KMT5A: variants seen among roughly 807,000 people sequenced by gnomAD.
KMT5A encodes the protein N-lysine methyltransferase KMT5A.
Under a neutral mutation model 40.6 loss-of-function variants are expected in KMT5A, and 6 were observed. The observed-to-expected ratio is 0.15, with a 90% CI of 0.08 to 0.29. KMT5A has a LOEUF of 0.29. KMT5A is among the 10% of genes least tolerant of loss of function. KMT5A has a pLI of 1.00. For missense variants in KMT5A, 308 were observed against 459.1 expected, an observed-to-expected ratio of 0.67 and a Z score of 3.01; for synonymous variants, 153 against 178.8, an observed-to-expected ratio of 0.86 and a Z score of 1.15.
intron 3 of KMT5A, 102 bp downstream of exon 3, chr12:123,390,888 T>C: frequency 7.3e-7 from 1 of 1,377,248 alleles, no homozygotes; most frequent in Non-Finnish European, 1.0e-6. Flanking sequence ...ACCTTTTCAG[T>C]CTCAGATTCG....
intron 5 of KMT5A, among the ~76,000 whole-genome samples, chr12:123,397,433 C>T (rs889051054): frequency 2.0e-5 from 3 of 152,184 alleles, no homozygotes; most frequent in East Asian, 1.9e-4. Context: ...AGCCCTCATG[C>T]GGACTCCTTC....
chr12:123,389,363 C>T, intron 1 of KMT5A, 70 bp from the exon 2 acceptor site: 13 of 967,776 alleles, frequency 1.3e-5, no homozygotes, highest in Non-Finnish European at 1.6e-5. Flanking sequence ...CCGGCCCGGG[C>T]GGCCCCGCTC....
chr12:123,396,977 A>G (rs1566078062), intron 5 of KMT5A, among the ~76,000 whole-genome samples: 1 of 152,228 alleles, frequency 6.6e-6, no homozygotes, highest in East Asian at 1.9e-4. Flanking sequence ...CATTCAATAA[A>G]TGTGGTCATG....
intron 1 of KMT5A, chr12:123,388,441 G>A (rs1876999034): frequency 6.6e-6 from 1 of 152,270 alleles, no homozygotes; most frequent in African/African-American, 2.4e-5. Context: ...TGTCTCCCCA[G>A]GGCTTCCTAC....
intron 6 of KMT5A, among the ~76,000 whole-genome samples, chr12:123,404,658 G>A (rs1006295535): frequency 2.0e-5 from 3 of 152,192 alleles, no homozygotes; most frequent in Non-Finnish European, 4.4e-5. Context: ...AAGGAACCAC[G>A]TTTGTGGAGT....
chr12:123,387,227 AT>A (rs1169330727), intron 1 of KMT5A, among the ~76,000 whole-genome samples: 1 of 152,176 alleles, frequency 6.6e-6, no homozygotes, highest in African/African-American at 2.4e-5. Context: ...AATGATCTGT[AT>A]TTACATCTTC....
At chr12:123,399,818 G>A (rs964129948) in intron 5 of KMT5A, among the ~76,000 whole-genome samples, 1 of 151,942 alleles carries the variant, frequency 6.6e-6, no homozygotes, top group Non-Finnish European at 1.5e-5. Context: ...TCTTTTGTGG[G>A]TTTTTTGTTG....
intron 5 of KMT5A, among the ~76,000 whole-genome samples, chr12:123,399,399 G>C (rs1415967984): frequency 1.3e-5 from 2 of 152,204 alleles, no homozygotes; most frequent in African/African-American, 2.4e-5. Flanking sequence ...AGCCTCCCTG[G>C]CTTTGTGCCG....
chr12:123,390,491 T>C lies in KMT5A; in HGVS notation c.133-139T>C, dbSNP rs546919382. On this transcript the variant is annotated intron_variant, in intron 2 of 7. Transcript: ENST00000402868. ...ACCTGCCAGTGCTCTCCTGAGACAA[T>C]GGGGGCTGGCATCCCCTGGTAGCCC... is the stretch of plus-strand genomic sequence containing the variant. 3 of 1,012,606 alleles carry C rather than the reference T, an allele frequency of 3.0e-6. No individual in the cohort carries two copies. In the East Asian group the frequency reaches 7.3e-5, roughly 25 times the overall value. The allele number at this position is 1,012,606 out of a possible 1,614,324, so 62.7% of individuals were successfully genotyped here.
Position 123,408,513 on chromosome 12 carries a change from C to T in KMT5A, c.*810C>T, listed in dbSNP as rs574870473. 1.4e-5 allele frequency: 2 copies of T among 147,480 alleles called. No homozygotes were observed. Among genetic ancestry groups the T allele is most frequent in the Non-Finnish European group, 3.0e-5 (2 of 67,462 alleles). The allele number at this position is 147,480 out of a possible 1,614,324, so 9.1% of individuals were successfully genotyped here. A position where few individuals can be genotyped will look rare whatever the true frequency, so the allele number is the denominator to read the frequency against. On this transcript the variant is annotated 3_prime_UTR_variant, in exon 8 of 8. Transcript: ENST00000402868. ...TTAAAAAAATTAAAAATAAAAAAAA[C>T]CACAGAAAACAACTTTACATGTATA...
At chr12:123,397,378 T>C (rs535476657) in intron 5 of KMT5A, among the ~76,000 whole-genome samples, 8 of 152,246 alleles carry the variant, frequency 5.3e-5, no homozygotes, top group Non-Finnish European at 1.2e-4. Context: ...GATTGCATCC[T>C]ACACAGAGAG....
intron 5 of KMT5A, among the ~76,000 whole-genome samples, chr12:123,398,312 T>G (rs1476462841): frequency 1.4e-5 from 2 of 147,236 alleles, no homozygotes; most frequent in Non-Finnish European, 3.0e-5. Flanking sequence ...CTGCAGATGG[T>G]GAGGTGGTGC....
chr12:123,387,158 G>A (rs988895607), intron 1 of KMT5A, among the ~76,000 whole-genome samples: 1 of 152,104 alleles, frequency 6.6e-6, no homozygotes, highest in Non-Finnish European at 1.5e-5. Context: ...CGCCCAGCTG[G>A]TGTATTTGTT....
intron 1 of KMT5A, among the ~76,000 whole-genome samples, chr12:123,386,981 C>T (rs1389493084): frequency 6.6e-6 from 1 of 152,130 alleles, no homozygotes; most frequent in Non-Finnish European, 1.5e-5. Flanking sequence ...CTCAGCCTCC[C>T]AAGTAGCTGG....
At chr12:123,386,048 C>T (rs1277753913) in intron 1 of KMT5A, among the ~76,000 whole-genome samples, 3 of 151,930 alleles carry the variant, frequency 2.0e-5, no homozygotes, top group Non-Finnish European at 4.4e-5. Context: ...TTACCCAAAG[C>T]GAAGATAATG....
intron 1 of KMT5A, chr12:123,388,388 C>T (rs1007069692): frequency 6.6e-5 from 10 of 152,280 alleles, no homozygotes; most frequent in African/African-American, 2.4e-4. Context: ...GAGATAACGG[C>T]AAGAGACTCG....
intron 5 of KMT5A, among the ~76,000 whole-genome samples, chr12:123,400,270 T>C (rs1417258843): frequency 1.0e-4 from 14 of 137,124 alleles, no homozygotes; most frequent in South Asian, 2.3e-4. Context: ...CTCCTGACCT[T>C]GTGATCCGCC....
intron 7 of KMT5A, 118 bp downstream of exon 7, chr12:123,405,192 C>CT (rs879726023): frequency 0.054 from 43,367 of 798,718 alleles, 1 homozygote; most frequent in East Asian, 0.068. Flanking sequence ...TTGTTGTTGA[C>CT]TTTTTTTTTT....
intron 7 of KMT5A, 101 bp downstream of exon 7, chr12:123,405,175 G>T: frequency 1.6e-6 from 2 of 1,254,638 alleles, no homozygotes; most frequent in Non-Finnish European, 2.2e-6. Flanking sequence ...CCAGTCTTTT[G>T]GTTTTGTTGT....
Sources: allele counts gnomAD v4.1 joint callset (sites outside exome capture counted in the v4.1 genomes callset), GRCh38; gene constraint gnomAD v4.1.1; transcripts MANE v1.5; gene names NCBI Gene and HGNC (gene_info 2026-07-23, HGNC 2026-07-21).